The following ADARB2 variants were observed in gnomAD, a reference collection of about 807,000 sequenced individuals.
The protein encoded by ADARB2 is adenosine deaminase RNA specific B2 (inactive).
A neutral mutation model predicts 62.2 loss-of-function variants in ADARB2; 25 were observed. The ratio of observed to expected loss-of-function variants is 0.40; its 90% CI spans 0.29 to 0.56. The LOEUF is 0.56. ADARB2 is among the 20% of genes least tolerant of loss of function. The pLI is 0.43. For missense variants in ADARB2, 1,071 were observed against 1,077.4 expected, an observed-to-expected ratio of 0.99 and a Z score of 0.08; for synonymous variants, 572 against 500.8, an observed-to-expected ratio of 1.14 and a Z score of -1.90.
chr10:1,611,848 T>G (rs1396065384), intron 1 of ADARB2, among the ~76,000 whole-genome samples: 1 of 152,078 alleles, frequency 6.6e-6, no homozygotes, highest in Non-Finnish European at 1.5e-5. Flanking sequence ...TGAAAAAAGA[T>G]GGACAGACAG....
intron 1 of ADARB2, among the ~76,000 whole-genome samples, chr10:1,641,294 C>T (rs1833975310): frequency 6.6e-6 from 1 of 152,218 alleles, no homozygotes; most frequent in African/African-American, 2.4e-5. Context: ...CCAATCAAAG[C>T]AACAGCACGA....
chr10:1,189,885 C>T (rs990028639), intron 8 of ADARB2, among the ~76,000 whole-genome samples: 4 of 139,672 alleles, frequency 2.9e-5, no homozygotes, highest in Non-Finnish European at 6.1e-5. Context: ...CCCCAGAACA[C>T]GTGGCGCTAC....
At chr10:1,543,719 A>T (rs1177055784) in intron 1 of ADARB2, among the ~76,000 whole-genome samples, 1 of 152,162 alleles carries the variant, frequency 6.6e-6, no homozygotes, top group Non-Finnish European at 1.5e-5. Flanking sequence ...GATGTGGTGG[A>T]ATTATCTGTG....
intron 6 of ADARB2, among the ~76,000 whole-genome samples, chr10:1,220,427 A>G (rs1403678691): frequency 6.6e-6 from 1 of 151,492 alleles, no homozygotes; most frequent in Non-Finnish European, 1.5e-5. Flanking sequence ...CGTGATGGTG[A>G]TGATGGTGGT....
chr10:1,356,825 T>C (rs1479111421), intron 3 of ADARB2, among the ~76,000 whole-genome samples: 1 of 152,172 alleles, frequency 6.6e-6, no homozygotes, highest in Non-Finnish European at 1.5e-5. Context: ...AATTGTGAAA[T>C]CCTGATTTTT....
intron 1 of ADARB2, among the ~76,000 whole-genome samples, chr10:1,494,801 G>A (rs2131934131): frequency 6.6e-6 from 1 of 152,238 alleles, no homozygotes; most frequent in East Asian, 1.9e-4. Context: ...CGTTTACCAT[G>A]TGCTCCAAAC....
intron 1 of ADARB2, among the ~76,000 whole-genome samples, chr10:1,710,651 C>T (rs1588361920): frequency 6.6e-6 from 1 of 152,368 alleles, no homozygotes; most frequent in Admixed American, 6.5e-5. Context: ...TCTGGGTTCA[C>T]ACCACACTAC....
In ADARB2 at chr10:1,409,761, A is replaced by G. The variant is rs140561342; in HGVS notation, c.101-30601T>C. Among the ~76,000 whole-genome samples, 172 of 117,718 alleles carry G rather than the reference A, an allele frequency of 1.5e-3. 31 individuals are homozygous for G. Among genetic ancestry groups the G allele is most frequent in the Admixed American group, 2.3e-3 (27 of 11,688 alleles). 77.2% of individuals were successfully genotyped at this position (117,718 alleles called of 152,430 possible). ...GTGGTGCCGAGGCCTGGTCGTGGTC[A>G]TAGGGAATGACTGACAGTGGTGCTG... On this transcript the variant is annotated intron_variant, in intron 1 of 9. Coordinates refer to ENST00000381312, the MANE Select transcript of ADARB2 (RefSeq NM_018702.4).
intron 1 of ADARB2, among the ~76,000 whole-genome samples, chr10:1,635,597 C>A (rs7909592): frequency 0.15 from 22,981 of 152,146 alleles, 2,793 homozygotes; most frequent in African/African-American, 0.34. Context: ...AGCTTCCCTC[C>A]GTCGGGACAG....
At chr10:1,252,922 G>A (rs1188487722) in intron 4 of ADARB2, among the ~76,000 whole-genome samples, 2 of 152,134 alleles carry the variant, frequency 1.3e-5, no homozygotes, top group East Asian at 1.9e-4. Context: ...CATTTCAAAT[G>A]CATTGATTTT....
At chr10:1,517,592 CCCA>C (rs1461500734) in intron 1 of ADARB2, among the ~76,000 whole-genome samples, 2 of 152,130 alleles carry the variant, frequency 1.3e-5, no homozygotes, top group Non-Finnish European at 2.9e-5. Context: ...CCCACCAATG[CCCA>C]CCAAGTGAAT....
At chr10:1,732,329 A>AACT (rs1564207341) in intron 1 of ADARB2, among the ~76,000 whole-genome samples, 1 of 37,134 alleles carries the variant, frequency 2.7e-5, no homozygotes, top group South Asian at 8.7e-4. Context: ...AAAAAAAAAA[A>AACT]ATTTCCTTTT....
chr10:1,233,797 T>A lies in ADARB2; in HGVS notation c.1410A>T (p.Glu470Asp), dbSNP rs1341081552. The A allele has an allele frequency of 6.2e-7, 1 of 1,613,936 alleles. No homozygotes were observed. The highest frequency in any genetic ancestry group is 1.7e-5 in the Admixed American group (1 of 59,986). Residue 470 changes from glutamate to aspartate, a missense_variant, in exon 6 of 10, where the codon GAA (glutamate) becomes GAT (aspartate). Physicochemically the swap from Glu to Asp is conservative, Grantham distance 45. Transcript: ENST00000381312. Reference sequence around the variant, plus strand: ...TGTTCTCTCGCAGCCGGTAGCCACCTTCTTTTAACCGCACGAATATCGATC... The same window carrying A: ...TGTTCTCTCGCAGCCGGTAGCCACCATCTTTTAACCGCACGAATATCGATC... ...SERSIFVRLK[E>D]GGYRLRENIL... is the part of the protein sequence containing the mutation.
chr10:1,517,303 A>G (rs765951338), intron 1 of ADARB2, among the ~76,000 whole-genome samples: 1 of 152,240 alleles, frequency 6.6e-6, no homozygotes, highest in Non-Finnish European at 1.5e-5. Context: ...AATATCCAAT[A>G]GCACATATTT....
At chr10:1,642,281 T>C (rs1290324005) in intron 1 of ADARB2, among the ~76,000 whole-genome samples, 1 of 152,210 alleles carries the variant, frequency 6.6e-6, no homozygotes, top group African/African-American at 2.4e-5. Context: ...CGGTGCTCAA[T>C]GATTACTTGT....
chr10:1,511,544 G>A (rs118128792), intron 1 of ADARB2, among the ~76,000 whole-genome samples: 144 of 152,198 alleles, frequency 9.5e-4, no homozygotes, highest in South Asian at 1.9e-3. Flanking sequence ...CTGTGAGCCC[G>A]GTCTGAAAGG....
chr10:1,251,531 T>C (rs955265348), intron 4 of ADARB2, among the ~76,000 whole-genome samples: 1 of 152,170 alleles, frequency 6.6e-6, no homozygotes, highest in Non-Finnish European at 1.5e-5. Flanking sequence ...TCCAAACCCA[T>C]AGAATGTCCA....
At chr10:1,379,053 C>CGGGGAAG in intron 2 of ADARB2, 21 bp downstream of exon 2, 1 of 1,599,796 alleles carries the variant, frequency 6.3e-7, no homozygotes, top group Non-Finnish European at 8.6e-7. Flanking sequence ...TTGTGTACTT[C>CGGGGAAG]GGGGAAGGGA....
intron 1 of ADARB2, among the ~76,000 whole-genome samples, chr10:1,449,211 G>T (rs535983310): frequency 6.6e-6 from 1 of 152,208 alleles, no homozygotes; most frequent in East Asian, 1.9e-4. Context: ...ATCAACAACT[G>T]TCACTTTCCC....
Sources: gnomAD v4.1 joint callset for allele counts (sites outside exome capture counted in the v4.1 genomes callset) on GRCh38, gnomAD v4.1.1 for gene constraint, MANE v1.5 for transcripts, NCBI Gene and HGNC (gene_info 2026-07-23, HGNC 2026-07-21) for gene names.